The following ITPR2 variants were observed in gnomAD, a reference collection of about 807,000 sequenced individuals.
ITPR2 encodes inositol 1,4,5-trisphosphate-gated calcium channel ITPR2.
Under a neutral mutation model 317.1 loss-of-function variants are expected in ITPR2, and 207 were observed. The ratio of observed to expected loss-of-function variants is 0.65; its 90% CI spans 0.58 to 0.73. The LOEUF is 0.73. Among genes scored for constraint, ITPR2 ranks in the 30% least tolerant of loss-of-function variants. The pLI is 0.00. For synonymous variants in ITPR2, 1,156 were observed against 1,149.1 expected, an observed-to-expected ratio of 1.01 and a Z score of -0.12; for missense variants, 2,613 against 3,284.0, an observed-to-expected ratio of 0.80 and a Z score of 4.99.
intron 24 of ITPR2, among the ~76,000 whole-genome samples, chr12:26,623,843 CTT>C (rs1946558636): frequency 6.6e-6 from 1 of 152,132 alleles, no homozygotes; most frequent in South Asian, 2.1e-4. Context: ...TCAAAGGTGT[CTT>C]GTTTTATTTA....
intron 45 of ITPR2, among the ~76,000 whole-genome samples, chr12:26,460,347 A>G (rs550459003): frequency 6.6e-6 from 1 of 152,290 alleles, no homozygotes; most frequent in South Asian, 2.1e-4. Flanking sequence ...CCCATGGAGG[A>G]GAGTGTTGTG....
chr12:26,746,257 T>G (rs180809067), intron 2 of ITPR2, among the ~76,000 whole-genome samples: 2 of 152,086 alleles, frequency 1.3e-5, no homozygotes, highest in African/African-American at 4.8e-5. Flanking sequence ...CATGAGCTGC[T>G]TCTTAGACGA....
At chr12:26,726,076 T>C (rs1333382381) in intron 2 of ITPR2, 1 of 205,960 alleles carries the variant, frequency 4.9e-6, no homozygotes. Flanking sequence ...ATGGGGCACC[T>C]GGTCTTAGAA....
At chr12:26,692,122 C>G (rs1036702473) in intron 10 of ITPR2, among the ~76,000 whole-genome samples, 1 of 152,126 alleles carries the variant, frequency 6.6e-6, no homozygotes, top group African/African-American at 2.4e-5. Flanking sequence ...ACACCGCCCC[C>G]CCGCCAAATT....
chr12:26,522,561 T>C (rs1478222999), intron 37 of ITPR2, among the ~76,000 whole-genome samples: 1 of 152,186 alleles, frequency 6.6e-6, no homozygotes. Context: ...CCCAAGCAGT[T>C]CATTATGCTT....
intron 2 of ITPR2, among the ~76,000 whole-genome samples, chr12:26,745,338 G>T (rs953969757): frequency 3.9e-5 from 6 of 152,212 alleles, no homozygotes; most frequent in African/African-American, 1.4e-4. Context: ...TTCCCACTCT[G>T]TGGGACTGAA....
chr12:26,544,475 T>C (rs1348006739), intron 37 of ITPR2, among the ~76,000 whole-genome samples: 2 of 151,668 alleles, frequency 1.3e-5, no homozygotes, highest in African/African-American at 2.4e-5. Context: ...AATCCCAGGG[T>C]TGAGAATTGC....
chr12:26,391,828 G>T (rs566730761), intron 54 of ITPR2, among the ~76,000 whole-genome samples: 1 of 151,984 alleles, frequency 6.6e-6, no homozygotes, highest in African/African-American at 2.4e-5. Context: ...GCCTCCCAAA[G>T]TTGCTGAGAT....
Position 26,807,514 on chromosome 12 carries a change from A to G in ITPR2, c.93-17287T>C, listed in dbSNP as rs1003126096. On this transcript the variant is annotated intron_variant, in intron 1 of 56. Coordinates refer to ENST00000381340, the MANE Select transcript of ITPR2 (RefSeq NM_002223.4). ...AGTCAAAGCTGGAACACAATGTCAT[A>G]TGTGGGGAATCCAAATCACTGCCTC... Among the ~76,000 whole-genome samples, 3 of 152,340 alleles carry G rather than the reference A, an allele frequency of 2.0e-5. No homozygotes were observed. In the East Asian group the frequency reaches 5.8e-4, roughly 29 times the overall value.
intron 32 of ITPR2, among the ~76,000 whole-genome samples, chr12:26,589,833 C>A (rs12824109): frequency 0.085 from 2,780 of 32,666 alleles, 216 homozygotes; most frequent in Middle Eastern, 0.19. Context: ...AATAAATAAA[C>A]ATATATATAT....
rs904924192 is a variant in ITPR2, at chr12:26,833,012, G to C, written c.-231C>G. On this transcript the variant is annotated 5_prime_UTR_variant, in exon 1 of 57. Transcript: ENST00000381340. ...CTGCGGACACCCCGCGAAGAGCGCA[G>C]CCCAGGCGCCCAGAGAAGCCGCAGC... 9 of 488,576 alleles carry C rather than the reference G, an allele frequency of 1.8e-5. No individual in the cohort carries two copies. Among genetic ancestry groups the C allele is most frequent in the Middle Eastern group, 5.3e-4 (1 of 1,886 alleles). 30.3% of individuals were successfully genotyped at this position (488,576 alleles called of 1,614,324 possible).
At chr12:26,821,854 T>G (rs904362131) in intron 1 of ITPR2, among the ~76,000 whole-genome samples, 6 of 152,204 alleles carry the variant, frequency 3.9e-5, no homozygotes, top group African/African-American at 1.4e-4. Flanking sequence ...GCAACTTGAG[T>G]TGGTGAGTAC....
intron 52 of ITPR2, among the ~76,000 whole-genome samples, chr12:26,409,935 A>G (rs963549812): frequency 1.3e-5 from 2 of 152,110 alleles, no homozygotes; most frequent in Admixed American, 6.5e-5. Context: ...GAAATCCCAA[A>G]CTCCTAATTA....
At position 26,555,417 on chromosome 12, in the gene ITPR2, C is replaced by T. The variant is rs966747794; in HGVS notation, c.4964+816G>A. ...ATACTCTTCCCAGGAAGACCAAGCACCCTCTTTCTGACTGGCCATCTAGGG... is the reference window on the plus strand; with the variant it reads ...ATACTCTTCCCAGGAAGACCAAGCATCCTCTTTCTGACTGGCCATCTAGGG... On this transcript the variant is annotated intron_variant, in intron 36 of 56. Transcript: ENST00000381340. Among the ~76,000 whole-genome samples, 62 of 152,254 alleles carry T rather than the reference C, an allele frequency of 4.1e-4. 1 individual carries two copies. Among genetic ancestry groups the T allele is most frequent in the African/African-American group, 1.4e-3 (59 of 41,550 alleles).
At chr12:26,609,264 G>C (rs1034211852) in intron 26 of ITPR2, among the ~76,000 whole-genome samples, 1 of 152,144 alleles carries the variant, frequency 6.6e-6, no homozygotes. Context: ...CTGAATAAAA[G>C]AAACCATATG....
rs148183857 is a variant in ITPR2, at chr12:26,415,376, A to G, written c.7233T>C (p.Ile2411=). 2.1e-4 allele frequency: 331 copies of G among 1,612,790 alleles called. 2 individuals carry two copies. The African/African-American group carries it at 3.6e-3, about 17-fold the overall frequency. ...LALILVYLFS[I]IGFLFLKDDF... ...CATCCTTCAAAAAAAGGAACCCAAT[A>G]ATGGAAAACAGGTAGACGAGGATGA... The change falls in exon 51 of 57, where the codon ATT becomes ATC. Residue 2411 remains isoleucine, a synonymous_variant. Transcript: ENST00000381340.
chr12:26,411,422 T>C lies in ITPR2; in HGVS notation c.7307-10A>G, dbSNP rs184436044. On this transcript the variant is annotated splice_polypyrimidine_tract_variant and intron_variant, in intron 51 of 56. Transcript: ENST00000381340. ...GGCACTTGATGACTGCCTAAGAAAATACAAAGTAGTATATAATATAGAGTC... is the reference window on the plus strand; with the variant it reads ...GGCACTTGATGACTGCCTAAGAAAACACAAAGTAGTATATAATATAGAGTC... 19 of 1,563,558 alleles carry C rather than the reference T, an allele frequency of 1.2e-5. No homozygotes were observed. The highest frequency in any genetic ancestry group is 1.7e-4 in the Middle Eastern group (1 of 5,972).
chr12:26,626,027 C>G (rs10842763), intron 23 of ITPR2, among the ~76,000 whole-genome samples: 18,921 of 152,122 alleles, frequency 0.12, 1,910 homozygotes, highest in East Asian at 0.52. Flanking sequence ...AGTGGCACAA[C>G]TTCAACTCAC....
rs77689873 is a variant in ITPR2 at position 26,491,132 on chromosome 12, G to C, written c.5370+3021C>G. Among the ~76,000 whole-genome samples the C allele has an allele frequency of 5.8e-3, 888 of 152,216 alleles. 10 individuals are homozygous for C. The highest frequency in any genetic ancestry group is 0.02 in the African/African-American group (844 of 41,528). On this transcript the variant is annotated intron_variant, in intron 39 of 56. Transcript: ENST00000381340. ...GAAGTATCTTATGGACTGTAGCAGG[G>C]AGTTTGTCTTTATAGGGCAGGTGAC...
Sources: allele counts gnomAD v4.1 joint callset (sites outside exome capture counted in the v4.1 genomes callset), GRCh38; gene constraint gnomAD v4.1.1; transcripts MANE v1.5; gene names NCBI Gene and HGNC (gene_info 2026-07-23, HGNC 2026-07-21).